UBE3D: variants seen among roughly 807,000 people sequenced by gnomAD.
UBE3D encodes ubiquitin protein ligase E3D.
In UBE3D, 48 loss-of-function variants were observed where a neutral mutation model predicts 49.6. That is an observed-to-expected ratio of 0.97 (90% CI 0.77 to 1.23). The LOEUF is 1.23. UBE3D is among the 50% of genes most tolerant of loss of function. UBE3D has a pLI of 0.00. For missense variants in UBE3D, 452 were observed against 468.4 expected, an observed-to-expected ratio of 0.96 and a Z score of 0.32; for synonymous variants, 189 against 174.2, an observed-to-expected ratio of 1.08 and a Z score of -0.67.
At chr6:82,959,596 G>T (rs939408938) in intron 8 of UBE3D, among the ~76,000 whole-genome samples, 7 of 151,398 alleles carry the variant, frequency 4.6e-5, no homozygotes, top group African/African-American at 1.7e-4. Context: ...CAACCACCTG[G>T]CCCACTTCCT....
In UBE3D at chr6:83,022,462, C is replaced by T. The variant is rs776010007; in HGVS notation, c.837G>A (p.Val279=). Residue 279 remains valine, a synonymous_variant, in exon 7 of 10, where the codon GTG becomes GTA. Transcript: ENST00000369747. ...RFTIQGQDDK[V]YILLWLLNSD... is the part of the protein sequence containing the mutation. The stretch of plus-strand genomic sequence containing the variant: ...TAAAATAATTTCTTACCAAGATATA[C>T]ACTTTGTCATCCTGACCTTGAATCG... 17 of 1,594,430 alleles carry T rather than the reference C, an allele frequency of 1.1e-5. No homozygotes were observed. Among genetic ancestry groups the T allele is most frequent in the Non-Finnish European group, 1.5e-5 (17 of 1,172,010 alleles).
At chr6:82,923,046 AAGTC>A (rs1773468763) in intron 9 of UBE3D, among the ~76,000 whole-genome samples, 1 of 152,238 alleles carries the variant, frequency 6.6e-6, no homozygotes, top group Non-Finnish European at 1.5e-5. Flanking sequence ...AATCATTAAA[AAGTC>A]AGGAAATAAC....
At chr6:82,926,477 A>T (rs573715293) in intron 9 of UBE3D, among the ~76,000 whole-genome samples, 1 of 152,184 alleles carries the variant, frequency 6.6e-6, no homozygotes, top group South Asian at 2.1e-4. Context: ...GGTATTGATG[A>T]TATGGTAAGA....
intron 5 of UBE3D, among the ~76,000 whole-genome samples, chr6:83,027,899 T>G (rs1781594980): frequency 6.6e-6 from 1 of 152,194 alleles, no homozygotes; most frequent in Non-Finnish European, 1.5e-5. Context: ...TGATTAAACA[T>G]ACATCAGATA....
chr6:83,030,479 T>C (rs1181916773), intron 5 of UBE3D, among the ~76,000 whole-genome samples: 1 of 152,214 alleles, frequency 6.6e-6, no homozygotes, highest in East Asian at 1.9e-4. Context: ...CCTTGTGCCA[T>C]GATTGTGAGG....
chr6:82,905,265 CAT>C (rs1425806238), intron 9 of UBE3D, among the ~76,000 whole-genome samples: 1 of 152,178 alleles, frequency 6.6e-6, no homozygotes, highest in Non-Finnish European at 1.5e-5. Flanking sequence ...TTTCCAACAA[CAT>C]GTGCTCACTT....
intron 9 of UBE3D, among the ~76,000 whole-genome samples, chr6:82,948,756 C>T (rs1775582215): frequency 1.3e-5 from 2 of 151,774 alleles, no homozygotes; most frequent in Non-Finnish European, 1.5e-5. Flanking sequence ...AGAATGAAGG[C>T]CAAAAACCAC....
chr6:82,913,251 A>G (rs1772659331), intron 9 of UBE3D, among the ~76,000 whole-genome samples: 1 of 152,212 alleles, frequency 6.6e-6, no homozygotes, highest in South Asian at 2.1e-4. Context: ...CAAAGTTTCT[A>G]TCACTGTACT....
intron 9 of UBE3D, among the ~76,000 whole-genome samples, chr6:82,909,823 G>T (rs948691659): frequency 1.3e-5 from 2 of 152,130 alleles, no homozygotes; most frequent in Admixed American, 1.3e-4. Context: ...ATCGCACTGT[G>T]CAGTTGTTCC....
intron 8 of UBE3D, among the ~76,000 whole-genome samples, chr6:82,984,651 A>G (rs1778337067): frequency 6.6e-6 from 1 of 152,116 alleles, no homozygotes. Flanking sequence ...GTATCTTTTT[A>G]TATGTTTAAG....
chr6:82,981,953 T>C (rs10498936), intron 8 of UBE3D, among the ~76,000 whole-genome samples: 28,140 of 152,070 alleles, frequency 0.19, 2,854 homozygotes, highest in African/African-American at 0.27. Context: ...TAGGACTTGT[T>C]TCATTGGTGA....
At chr6:83,009,595 A>G (rs1000030866) in intron 8 of UBE3D, among the ~76,000 whole-genome samples, 1 of 147,366 alleles carries the variant, frequency 6.8e-6, no homozygotes, top group Non-Finnish European at 1.5e-5. Flanking sequence ...CTTTAAGTAG[A>G]AATACTATTC....
chr6:82,993,431 A>C lies in UBE3D; in HGVS notation c.1010+25542T>G, dbSNP rs115849997. ...TTGGTTCCAGGACTGCCCTCAGCAA[A>C]AATCCACCCATGTTCAAGTCCCTTA... is the stretch of plus-strand genomic sequence containing the variant. On this transcript the variant is annotated intron_variant, in intron 8 of 9. Transcript: ENST00000369747. 9.3e-3 allele frequency among the ~76,000 whole-genome samples: 1,414 copies of C among 152,268 alleles called. 22 individuals carry two copies. The highest frequency in any genetic ancestry group is 0.032 in the African/African-American group (1,311 of 41,548).
chr6:83,031,393 T>C (rs1428658845), intron 5 of UBE3D, among the ~76,000 whole-genome samples: 2 of 152,144 alleles, frequency 1.3e-5, no homozygotes, highest in Non-Finnish European at 2.9e-5. Flanking sequence ...GACGATTAGG[T>C]AGAAAAGAAA....
intron 3 of UBE3D, among the ~76,000 whole-genome samples, chr6:83,050,014 G>T (rs1356104162): frequency 6.6e-6 from 1 of 151,986 alleles, no homozygotes; most frequent in Admixed American, 6.6e-5. Flanking sequence ...TGCTAATCTG[G>T]TAAAATGTAA....
At chr6:83,014,112 C>A (rs1780532439) in intron 8 of UBE3D, among the ~76,000 whole-genome samples, 1 of 152,214 alleles carries the variant, frequency 6.6e-6, no homozygotes, top group Non-Finnish European at 1.5e-5. Flanking sequence ...AGCAATGAAA[C>A]CACATCTGGT....
intron 8 of UBE3D, among the ~76,000 whole-genome samples, chr6:82,976,117 T>A (rs185917277): frequency 7.2e-4 from 110 of 152,356 alleles, no homozygotes; most frequent in Middle Eastern, 3.4e-3. Flanking sequence ...AAAAAGCCCA[T>A]GCTATTTGCC....
chr6:83,049,237 A>G (rs888593317), intron 3 of UBE3D, among the ~76,000 whole-genome samples: 5 of 152,192 alleles, frequency 3.3e-5, no homozygotes, highest in Admixed American at 6.5e-5. Context: ...AGTGATAATA[A>G]CAATGGTAAT....
chr6:83,044,787 TTATAAAAGTAA>T lies in UBE3D; in HGVS notation c.366-139_366-129del. 7.9e-6 allele frequency: 6 copies of T among 755,166 alleles called. No homozygotes were observed. In the South Asian group the frequency reaches 1.1e-4, roughly 14 times the overall value. 46.8% of individuals were successfully genotyped at this position (755,166 alleles called of 1,614,324 possible). A position where few individuals can be genotyped will look rare whatever the true frequency, so the allele number is the denominator to read the frequency against. ...TTTGCAATGCTAATTTTTTCCCCAATTATAAAAGTAATATATACTCACTACAGCTAATTTTG... is the reference window on the plus strand; with the variant it reads ...TTTGCAATGCTAATTTTTTCCCCAATTATATACTCACTACAGCTAATTTTG... On this transcript the variant is annotated intron_variant, in intron 3 of 9. Coordinates refer to ENST00000369747, the MANE Select transcript of UBE3D (RefSeq NM_198920.3).
Sources: gnomAD v4.1 joint callset for allele counts (sites outside exome capture counted in the v4.1 genomes callset) on GRCh38, gnomAD v4.1.1 for gene constraint, MANE v1.5 for transcripts, NCBI Gene and HGNC (gene_info 2026-07-23, HGNC 2026-07-21) for gene names.